The following ATXN7 variants were observed in gnomAD, a reference collection of about 807,000 sequenced individuals.
ATXN7 encodes ataxin-7.
ATXN7 carries 12 observed loss-of-function variants against 70.5 expected under a neutral mutation model. That is an observed-to-expected ratio of 0.17 (90% confidence interval 0.11 to 0.28). ATXN7 has a LOEUF of 0.28. Among genes scored for constraint, ATXN7 ranks in the 10% least tolerant of loss-of-function variants. The pLI is 1.00. For synonymous variants in ATXN7, 498 were observed against 448.7 expected, an observed-to-expected ratio of 1.11 and a Z score of -1.39; for missense variants, 1,256 against 1,131.7, an observed-to-expected ratio of 1.11 and a Z score of -1.58.
chr3:63,927,368 T>A (rs568464802), intron 4 of ATXN7, among the ~76,000 whole-genome samples: 28 of 152,320 alleles, frequency 1.8e-4, no homozygotes, highest in Non-Finnish European at 2.6e-4. Context: ...AAATGCCAGG[T>A]AGAAGGAATT....
At chr3:63,872,894 A>G (rs1702639051) in intron 1 of ATXN7, among the ~76,000 whole-genome samples, 1 of 152,188 alleles carries the variant, frequency 6.6e-6, no homozygotes, top group Admixed American at 6.5e-5. Context: ...AGAAAGGTTA[A>G]GTAACCTGCC....
chr3:63,886,040 G>A (rs1384865384), intron 1 of ATXN7, among the ~76,000 whole-genome samples: 1 of 152,106 alleles, frequency 6.6e-6, no homozygotes, highest in Non-Finnish European at 1.5e-5. Context: ...GATATCCAGT[G>A]TATATATGCA....
At chr3:63,868,795 G>A (rs963433528) in intron 1 of ATXN7, among the ~76,000 whole-genome samples, 1 of 152,200 alleles carries the variant, frequency 6.6e-6, no homozygotes, top group African/African-American at 2.4e-5. Context: ...GTACTTTATA[G>A]TCCATCACCC....
At chr3:63,996,824 A>T (rs891712994) in intron 12 of ATXN7, among the ~76,000 whole-genome samples, 1 of 152,182 alleles carries the variant, frequency 6.6e-6, no homozygotes, top group African/African-American at 2.4e-5. Flanking sequence ...GTAATGTGTT[A>T]TCCCAGTGCT....
At chr3:63,963,880 T>G (rs1422785849) in intron 5 of ATXN7, among the ~76,000 whole-genome samples, 2 of 152,156 alleles carry the variant, frequency 1.3e-5, no homozygotes, top group Non-Finnish European at 2.9e-5. Context: ...CAGGAAGGGA[T>G]TCCTGGGTCA....
chr3:63,863,351 C>A (rs974307463), upstream of ATXN7, among the ~76,000 whole-genome samples: 1 of 152,186 alleles, frequency 6.6e-6, no homozygotes, highest in East Asian at 1.9e-4. Flanking sequence ...GCCCTAAGCC[C>A]GGCACCACTG....
intron 4 of ATXN7, among the ~76,000 whole-genome samples, chr3:63,951,498 T>C (rs1020635562): frequency 1.3e-5 from 2 of 152,238 alleles, no homozygotes; most frequent in Admixed American, 6.5e-5. Flanking sequence ...ATTGCAGATA[T>C]TCTAAAGAGT....
In ATXN7 at chr3:63,906,547, C is replaced by A. The variant is rs555520522; in HGVS notation, c.-11-6041C>A. On this transcript the variant is annotated intron_variant, in intron 2 of 12. Transcript: ENST00000674280. ...AGACTAAATGTATGTCTCATTGTCACCTTGATTTCAGAGCATATACTCTTA... is the reference window on the plus strand; with the variant it reads ...AGACTAAATGTATGTCTCATTGTCAACTTGATTTCAGAGCATATACTCTTA... 3.3e-5 allele frequency among the ~76,000 whole-genome samples: 5 copies of A among 152,288 alleles called. No individual in the cohort carries two copies. In the East Asian group the frequency reaches 9.7e-4, roughly 29 times the overall value.
chr3:63,898,529 T>C (rs1407209757), intron 2 of ATXN7, 32 bp downstream of exon 2: 1 of 152,198 alleles, frequency 6.6e-6, no homozygotes, highest in East Asian at 1.9e-4. Context: ...GCAAACACAG[T>C]TGAATAAATA....
intron 12 of ATXN7, chr3:63,997,568 T>G: frequency 2.0e-6 from 3 of 1,482,232 alleles, no homozygotes; most frequent in Non-Finnish European, 2.8e-6. Flanking sequence ...TTCTTCCAGC[T>G]TCCTTTGCTC....
intron 1 of ATXN7, among the ~76,000 whole-genome samples, chr3:63,879,777 G>A (rs1256314266): frequency 1.3e-5 from 2 of 151,966 alleles, no homozygotes; most frequent in African/African-American, 2.4e-5. Flanking sequence ...TTATTCCACC[G>A]ATCTAGAAAT....
chr3:63,924,688 T>G (rs1003201156), intron 4 of ATXN7, among the ~76,000 whole-genome samples: 3 of 152,102 alleles, frequency 2.0e-5, no homozygotes, highest in African/African-American at 7.2e-5. Context: ...AGTATGAAGG[T>G]CATTAATGAC....
At chr3:63,898,549 C>T (rs565674463) in intron 2 of ATXN7, 52 bp downstream of exon 2, 2 of 152,202 alleles carry the variant, frequency 1.3e-5, no homozygotes, top group East Asian at 3.9e-4. Flanking sequence ...ATAATGCTTC[C>T]AGTTATAATA....
At chr3:63,899,759 G>A (rs1274373206) in intron 2 of ATXN7, among the ~76,000 whole-genome samples, 12 of 152,024 alleles carry the variant, frequency 7.9e-5, no homozygotes, top group African/African-American at 1.9e-4. Flanking sequence ...GACTACAGGC[G>A]CCTGCCGCCA....
intron 5 of ATXN7, among the ~76,000 whole-genome samples, chr3:63,966,743 C>A (rs769842974): frequency 1.3e-5 from 2 of 152,196 alleles, no homozygotes; most frequent in Non-Finnish European, 1.5e-5. Flanking sequence ...CAGAACTCTT[C>A]CCCGCACCTT....
chr3:63,941,971 C>G (rs1295565324), intron 4 of ATXN7, among the ~76,000 whole-genome samples: 1 of 152,144 alleles, frequency 6.6e-6, no homozygotes, highest in Non-Finnish European at 1.5e-5. Flanking sequence ...GTAGTAAAAC[C>G]TGTTACGTGG....
intron 4 of ATXN7, among the ~76,000 whole-genome samples, chr3:63,948,890 C>T (rs1486175820): frequency 3.3e-5 from 5 of 152,098 alleles, no homozygotes; most frequent in South Asian, 2.1e-4. Flanking sequence ...CTTTCAAATT[C>T]GTTTAGAATC....
intron 5 of ATXN7, chr3:63,967,635 A>G (rs755595340): frequency 1.9e-6 from 1 of 516,922 alleles, no homozygotes; most frequent in Non-Finnish European, 2.9e-6. Flanking sequence ...AAACTTATAA[A>G]TTCCATCTTC....
At chr3:63,927,159 A>T (rs181258860) in intron 4 of ATXN7, among the ~76,000 whole-genome samples, 1 of 152,228 alleles carries the variant, frequency 6.6e-6, no homozygotes, top group Non-Finnish European at 1.5e-5. Context: ...AATGATTTAT[A>T]ATACTTTGGG....
Sources: allele counts gnomAD v4.1 joint callset (sites outside exome capture counted in the v4.1 genomes callset), GRCh38; gene constraint gnomAD v4.1.1; transcripts MANE v1.5; gene names NCBI Gene and HGNC (gene_info 2026-07-23, HGNC 2026-07-21).